The following MAF variants were observed in gnomAD, a reference collection of about 807,000 sequenced individuals.
MAF encodes MAF bZIP transcription factor, also known as transcription factor Maf.
In MAF, 10 loss-of-function variants were observed where a neutral mutation model predicts 22.0. That is an observed-to-expected ratio of 0.45 (90% CI 0.28 to 0.77). MAF has a LOEUF of 0.77. MAF is among the 30% of genes least tolerant of loss of function. The pLI, the probability that MAF is intolerant of heterozygous loss-of-function variation, is 0.12. For missense variants in MAF, 544 were observed against 548.4 expected, an observed-to-expected ratio of 0.99 and a Z score of 0.08; for synonymous variants, 337 against 255.8, an observed-to-expected ratio of 1.32 and a Z score of -3.03.
chr16:79,522,896 G>C, the MAF span, among the ~76,000 whole-genome samples: 2 of 152,178 alleles, frequency 1.3e-5, no homozygotes, highest in African/African-American at 4.8e-5. Flanking sequence ...CACAGTGCTG[G>C]CATATCCCTG....
At chr16:79,506,125 A>G in the MAF span, among the ~76,000 whole-genome samples, 13 of 152,334 alleles carry the variant, frequency 8.5e-5, no homozygotes, top group Admixed American at 5.9e-4. Flanking sequence ...GAAATATGCA[A>G]TAAGAAAGAG....
At chr16:79,384,451 G>GAAAAAA in the MAF span, among the ~76,000 whole-genome samples, 9 of 109,800 alleles carry the variant, frequency 8.2e-5, no homozygotes, top group Non-Finnish European at 1.1e-4. Flanking sequence ...GTCTCAAAAA[G>GAAAAAA]AAAAAAAAAA....
At chr16:79,592,817 T>G (rs1001244434), downstream of MAF, among the ~76,000 whole-genome samples, 1 of 152,338 alleles carries the variant, frequency 6.6e-6, no homozygotes, top group East Asian at 1.9e-4. Context: ...ACTAAGACAT[T>G]TCTTCAAAGA....
chr16:79,316,137 C>T, the MAF span, among the ~76,000 whole-genome samples: 62 of 152,310 alleles, frequency 4.1e-4, no homozygotes, highest in Admixed American at 8.5e-4. Context: ...TACCTCAAGG[C>T]GTGGGCGCCT....
At chr16:79,586,329 C>G (rs1270118069) in intron 1 of MAF, among the ~76,000 whole-genome samples, 1 of 152,186 alleles carries the variant, frequency 6.6e-6, no homozygotes, top group Non-Finnish European at 1.5e-5. Context: ...CTCTCAAGGA[C>G]TCTCAGGCTG....
chr16:79,471,860 T>C, the MAF span, among the ~76,000 whole-genome samples: 2 of 152,338 alleles, frequency 1.3e-5, no homozygotes, highest in South Asian at 2.1e-4. Context: ...ATAACAATTA[T>C]TGTTAGAAGA....
chr16:79,481,746 A>T, the MAF span, among the ~76,000 whole-genome samples: 1 of 152,090 alleles, frequency 6.6e-6, no homozygotes, highest in Non-Finnish European at 1.5e-5. Flanking sequence ...GCAGGTACTC[A>T]CTTATTCATT....
chr16:79,441,791 G>A, the MAF span, among the ~76,000 whole-genome samples: 1 of 152,192 alleles, frequency 6.6e-6, no homozygotes, highest in East Asian at 1.9e-4. Context: ...TTTCTACTAG[G>A]AACCCCAGTA....
At chr16:79,391,646 G>A in the MAF span, among the ~76,000 whole-genome samples, 1 of 152,098 alleles carries the variant, frequency 6.6e-6, no homozygotes, top group Non-Finnish European at 1.5e-5. Context: ...CCCCGGGGTC[G>A]GCTTCCCACG....
chr16:79,561,026 C>A, the MAF span, among the ~76,000 whole-genome samples: 1 of 152,212 alleles, frequency 6.6e-6, no homozygotes. Context: ...CCGTCTACAG[C>A]TGCAAAACTT....
the MAF span, among the ~76,000 whole-genome samples, chr16:79,478,117 C>A: frequency 6.6e-6 from 1 of 152,160 alleles, no homozygotes; most frequent in African/African-American, 2.4e-5. Context: ...TTGCCCACAG[C>A]CTCCAGACTA....
chr16:79,368,010 G>A, the MAF span, among the ~76,000 whole-genome samples: 6 of 152,300 alleles, frequency 3.9e-5, no homozygotes, highest in East Asian at 1.2e-3. Flanking sequence ...TGTTCAACGA[G>A]TGACAAGTGC....
the MAF span, among the ~76,000 whole-genome samples, chr16:79,407,597 A>G: frequency 3.9e-5 from 6 of 152,122 alleles, no homozygotes; most frequent in Non-Finnish European, 1.5e-5. Context: ...GGCACGACCC[A>G]TTAACAACAG....
chr16:79,442,254 C>T, the MAF span, among the ~76,000 whole-genome samples: 6 of 152,220 alleles, frequency 3.9e-5, no homozygotes, highest in East Asian at 3.9e-4. Flanking sequence ...ACCAAGATAT[C>T]GGTGATGACA....
intron 1 of MAF, chr16:79,597,045 ACAGT>A: frequency 9.5e-7 from 1 of 1,057,222 alleles, no homozygotes; most frequent in Non-Finnish European, 1.1e-6. Flanking sequence ...GGTTTTCAAT[ACAGT>A]CAGTGGTATA....
the MAF span, among the ~76,000 whole-genome samples, chr16:79,537,040 T>C: frequency 6.6e-6 from 1 of 152,150 alleles, no homozygotes; most frequent in Non-Finnish European, 1.5e-5. Flanking sequence ...TGTGTTTGTG[T>C]GTGTGTATGT....
chr16:79,590,210 G>A (rs30407), downstream of MAF, among the ~76,000 whole-genome samples: 20,302 of 152,056 alleles, frequency 0.13, 1,771 homozygotes, highest in South Asian at 0.19. Context: ...GTTGGCGGAG[G>A]GGGGGATGAT....
At chr16:79,590,659 G>A (rs753618659), downstream of MAF, among the ~76,000 whole-genome samples, 8 of 152,000 alleles carry the variant, frequency 5.3e-5, no homozygotes, top group Non-Finnish European at 1.0e-4. Flanking sequence ...ACCTGTCAGC[G>A]GCTTGTCAGT....
At chr16:79,452,641 G>T in the MAF span, among the ~76,000 whole-genome samples, 1 of 152,060 alleles carries the variant, frequency 6.6e-6, no homozygotes, top group Non-Finnish European at 1.5e-5. Flanking sequence ...CATCAGACTT[G>T]CTATTGCTTC....
Sources: allele counts gnomAD v4.1 joint callset (sites outside exome capture counted in the v4.1 genomes callset), GRCh38; gene constraint gnomAD v4.1.1; transcripts MANE v1.5; gene names NCBI Gene and HGNC (gene_info 2026-07-23, HGNC 2026-07-21).